PPP3CB: variants seen among roughly 807,000 people sequenced by gnomAD.
PPP3CB encodes protein phosphatase 3 catalytic subunit beta.
In PPP3CB, 8 loss-of-function variants were observed where a neutral mutation model predicts 66.4. The observed-to-expected ratio is 0.12, with a 90% CI of 0.07 to 0.22. PPP3CB has a LOEUF of 0.22. Ranked by LOEUF, PPP3CB falls within the 10% of genes least tolerant of loss-of-function variation. The probability of loss-of-function intolerance (pLI) is 1.00; values close to 1 mark genes in which losing one functional copy is unlikely to be tolerated. For missense variants in PPP3CB, 319 were observed against 642.5 expected, an observed-to-expected ratio of 0.50 and a Z score of 5.44; for synonymous variants, 208 against 221.2, an observed-to-expected ratio of 0.94 and a Z score of 0.53.
rs574982716 is a variant in PPP3CB, at chr10:73,454,323, T to G, written c.1186+89A>C. The G allele has an allele frequency of 8.5e-6, 7 of 826,108 alleles. No homozygotes were observed. In the South Asian group the frequency reaches 1.2e-4, roughly 14 times the overall value. The allele number at this position is 826,108 out of a possible 1,614,324, so 51.2% of individuals were successfully genotyped here. ...GCATAGTCTCTGAAAGCAATGACTA[T>G]TTTTTGCAAAATAGTGTGTACTGAG... On this transcript the variant is annotated intron_variant, in intron 10 of 13. Transcript: ENST00000360663.
At chr10:73,478,471 A>G (rs888706114) in intron 3 of PPP3CB, 28 bp downstream of exon 3, 5 of 1,590,220 alleles carry the variant, frequency 3.1e-6, no homozygotes, top group Non-Finnish European at 4.3e-6. Flanking sequence ...ACTTAACAGC[A>G]AATCAAATGA....
chr10:73,488,651 T>C (rs1240047753), intron 1 of PPP3CB, among the ~76,000 whole-genome samples: 1 of 151,904 alleles, frequency 6.6e-6, no homozygotes, highest in Non-Finnish European at 1.5e-5. Flanking sequence ...TAAGGAAAGA[T>C]TCAATAAATC....
intron 11 of PPP3CB, 99 bp from the exon 12 acceptor site, chr10:73,444,921 G>C (rs113414808): frequency 1.7e-6 from 2 of 1,157,162 alleles, no homozygotes; most frequent in Admixed American, 5.4e-5. Flanking sequence ...TAAAATTCAT[G>C]ACATTCATTG....
At chr10:73,449,481 T>C (rs2056311076) in intron 10 of PPP3CB, among the ~76,000 whole-genome samples, 1 of 152,210 alleles carries the variant, frequency 6.6e-6, no homozygotes, top group Non-Finnish European at 1.5e-5. Flanking sequence ...ATTCTAATGC[T>C]GAGATATATT....
Position 73,464,706 on chromosome 10 carries a change from C to T in PPP3CB, c.1108+2847G>A, listed in dbSNP as rs572660594. 2.6e-5 allele frequency among the ~76,000 whole-genome samples: 4 copies of T among 152,190 alleles called. No individual in the cohort carries two copies. In the South Asian group the frequency reaches 8.3e-4, roughly 32 times the overall value. On this transcript the variant is annotated intron_variant, in intron 9 of 13. Coordinates refer to ENST00000360663, the MANE Select transcript of PPP3CB (RefSeq NM_021132.4). ...CAGCACTTTAGGAAGTTGAGGCAAACAGAGCCCTTGAGGCCAGGAGTTTGA... is the reference window on the plus strand; with the variant it reads ...CAGCACTTTAGGAAGTTGAGGCAAATAGAGCCCTTGAGGCCAGGAGTTTGA...
In PPP3CB at chr10:73,495,822, G is replaced by C. The variant is rs955115258; in HGVS notation, c.68C>G (p.Ala23Gly). 2 of 1,516,454 alleles carry C rather than the reference G, an allele frequency of 1.3e-6. No individual in the cohort carries two copies. The highest frequency in any genetic ancestry group is 8.9e-7 in the Non-Finnish European group (1 of 1,128,874). The allele number at this position is 1,516,454 out of a possible 1,614,324, so 93.9% of individuals were successfully genotyped here. A position where few individuals can be genotyped will look rare whatever the true frequency, so the allele number is the denominator to read the frequency against. ...CCTCTCACCTTTGACGACGCGGTCAGCCCCGGGAGGGGGCGGCGGGGGCGG... is the reference window on the plus strand; with the variant it reads ...CCTCTCACCTTTGACGACGCGGTCACCCCCGGGAGGGGGCGGCGGGGGCGG... The part of the protein sequence containing the change: ...PPPPPPPPPG[A>G]DRVVKAVPFP... The change falls in exon 1 of 14, where the codon GCT (alanine) becomes GGT (glycine). Residue 23 changes from alanine (A) to glycine (G), a missense_variant. By Grantham distance (60) the Ala-to-Gly change is moderately conservative. Around this residue, in one of 5 missense-constraint regions of PPP3CB, gnomAD observed 104 missense variants for 128.4 expected, o/e 0.81. Coordinates refer to ENST00000360663, the MANE Select transcript of PPP3CB (RefSeq NM_021132.4).
rs1385195478 is a variant in PPP3CB at position 73,437,285 on chromosome 10, G to A, written c.*957C>T. The A allele has an allele frequency of 6.6e-6, 1 of 152,590 alleles. No individual in the cohort carries two copies. The highest frequency in any genetic ancestry group is 2.4e-5 in the African/African-American group (1 of 41,434). 9.5% of individuals were successfully genotyped at this position (152,590 alleles called of 1,614,324 possible). On this transcript the variant is annotated 3_prime_UTR_variant, in exon 14 of 14. Transcript: ENST00000360663. ...AGAAAGCCAGCAGCAAATCACCCTG[G>A]TGGCTCTCTAAGCAACTTGAGTACT...
intron 10 of PPP3CB, among the ~76,000 whole-genome samples, chr10:73,451,310 T>C (rs2056340942): frequency 6.6e-6 from 1 of 151,950 alleles, no homozygotes; most frequent in Admixed American, 6.6e-5. Flanking sequence ...TCATAGAAAA[T>C]AATTCTGCTG....
intron 1 of PPP3CB, among the ~76,000 whole-genome samples, chr10:73,486,543 G>C (rs1463846279): frequency 6.6e-6 from 1 of 151,780 alleles, no homozygotes; most frequent in African/African-American, 2.4e-5. Flanking sequence ...GACCTCAGGT[G>C]ATCCACCCAC....
In PPP3CB at chr10:73,478,443, G is replaced by A. The variant is rs1589711144; in HGVS notation, c.411+56C>T. The A allele has an allele frequency of 1.1e-5, 16 of 1,487,770 alleles. No homozygotes were observed. In the East Asian group the frequency reaches 3.7e-4, roughly 34 times the overall value. The allele number at this position is 1,487,770 out of a possible 1,614,324, so 92.2% of individuals were successfully genotyped here. ...GTACTTGTGAAAACTAGGATTAAGT[G>A]AAAGCATCTGTGTTAACACTTAACA... On this transcript the variant is annotated intron_variant, in intron 3 of 13. Transcript: ENST00000360663.
chr10:73,453,228 T>TAA (rs2056373498), intron 10 of PPP3CB, among the ~76,000 whole-genome samples: 1 of 152,196 alleles, frequency 6.6e-6, no homozygotes, highest in African/African-American at 2.4e-5. Flanking sequence ...AGTTCACAGC[T>TAA]AAAACGATGA....
intron 10 of PPP3CB, among the ~76,000 whole-genome samples, chr10:73,448,359 T>C (rs766946539): frequency 1.3e-4 from 20 of 152,044 alleles, no homozygotes; most frequent in African/African-American, 2.2e-4. Flanking sequence ...TGGGAAATAA[T>C]AGACAATCAA....
chr10:73,471,328 G>C (rs2056698764), intron 5 of PPP3CB, 119 bp from the exon 6 acceptor site: 2 of 1,350,910 alleles, frequency 1.5e-6, no homozygotes, highest in Non-Finnish European at 1.0e-6. Context: ...TGAATAAACA[G>C]AAGTTATTTC....
intron 10 of PPP3CB, among the ~76,000 whole-genome samples, chr10:73,451,787 C>T (rs1377738120): frequency 6.7e-6 from 1 of 150,120 alleles, no homozygotes; most frequent in Admixed American, 6.6e-5. Flanking sequence ...CATCTGTCGC[C>T]CAGGCTGGAG....
chr10:73,485,395 G>T (rs1215113384), intron 1 of PPP3CB, among the ~76,000 whole-genome samples: 1 of 152,174 alleles, frequency 6.6e-6, no homozygotes, highest in African/African-American at 2.4e-5. Flanking sequence ...GGAAACCTGA[G>T]AATTAACTGA....
chr10:73,463,887 G>A (rs903162184), intron 9 of PPP3CB, among the ~76,000 whole-genome samples: 4 of 151,450 alleles, frequency 2.6e-5, no homozygotes, highest in South Asian at 2.1e-4. Flanking sequence ...TGCCTGCCTC[G>A]GCCTCCCAAA....
At chr10:73,491,041 T>G (rs1427972951) in intron 1 of PPP3CB, among the ~76,000 whole-genome samples, 4 of 129,192 alleles carry the variant, frequency 3.1e-5, no homozygotes, top group Non-Finnish European at 4.8e-5. Context: ...TTTTTTTTTT[T>G]TTTTTTTTTT....
rs189304532 is a variant in PPP3CB, at chr10:73,450,826, G to A, written c.1186+3586C>T. Among the ~76,000 whole-genome samples the A allele has an allele frequency of 8.8e-4, 134 of 152,214 alleles. 1 individual carries two copies. Among genetic ancestry groups the A allele is most frequent in the Non-Finnish European group, 1.6e-3 (109 of 68,008 alleles). On this transcript the variant is annotated intron_variant, in intron 10 of 13. Coordinates refer to ENST00000360663, the MANE Select transcript of PPP3CB (RefSeq NM_021132.4). ...TTCTAAGATTACACAGCTAGTGAAC[G>A]GTAGTGACAAGACACCTAAACCACT... is the stretch of plus-strand genomic sequence containing the variant.
intron 11 of PPP3CB, among the ~76,000 whole-genome samples, chr10:73,445,324 G>A (rs548954636): frequency 6.6e-6 from 1 of 152,246 alleles, no homozygotes; most frequent in East Asian, 1.9e-4. Flanking sequence ...TAATTTTCAA[G>A]GTGTGAATTT....
Sources: allele counts gnomAD v4.1 joint callset (sites outside exome capture counted in the v4.1 genomes callset), GRCh38; gene constraint gnomAD v4.1.1; regional missense constraint gnomAD v4.1.1; transcripts MANE v1.5; gene names NCBI Gene and HGNC (gene_info 2026-07-23, HGNC 2026-07-21).